Variants in PDE11A observed in about 807,000 individuals in gnomAD.
PDE11A encodes phosphodiesterase 11A, also known as dual 3',5'-cyclic-AMP and -GMP phosphodiesterase 11A.
PDE11A carries 100 observed loss-of-function variants against 100.5 expected under a neutral mutation model. The observed-to-expected ratio is 1.00, with a 90% confidence interval of 0.85 to 1.18. The LOEUF (loss-of-function observed/expected upper bound fraction) is 1.18, where lower values mean the gene tolerates loss of function less well. PDE11A is among the 50% of genes most tolerant of loss of function. The pLI is 0.00. For missense variants in PDE11A, 1,141 were observed against 1,152.6 expected, an observed-to-expected ratio of 0.99 and a Z score of 0.15; for synonymous variants, 381 against 420.8, an observed-to-expected ratio of 0.91 and a Z score of 1.16.
At chr2:177,750,782 T>A (rs2082014417) in intron 10 of PDE11A, among the ~76,000 whole-genome samples, 1 of 152,214 alleles carries the variant, frequency 6.6e-6, no homozygotes. Flanking sequence ...AAAAAAATTA[T>A]TTGAGTACCA....
At position 178,018,121 on chromosome 2, in the gene PDE11A, T is replaced by G. The variant is rs569447064; in HGVS notation, c.913-3661A>C. ...CTAGGGCCAACCTACCCCAGGATGG[T>G]GTGGAGCACAGCATGTTCACCTGCC... is the stretch of plus-strand genomic sequence containing the variant. On this transcript the variant is annotated intron_variant, in intron 1 of 19. Transcript: ENST00000286063. 1.0e-4 allele frequency: 27 copies of G among 262,508 alleles called. 2 individuals are homozygous for G. The South Asian group carries it at 1.2e-3, about 12-fold the overall frequency. The allele number at this position is 262,508 out of a possible 1,614,324, so 16.3% of individuals were successfully genotyped here. A position where few individuals can be genotyped will look rare whatever the true frequency, so the allele number is the denominator to read the frequency against.
At chr2:177,671,756 A>C (rs1394687751) in intron 17 of PDE11A, among the ~76,000 whole-genome samples, 1 of 152,140 alleles carries the variant, frequency 6.6e-6, no homozygotes, top group Non-Finnish European at 1.5e-5. Flanking sequence ...AGAAAATAAA[A>C]TAATATTTAC....
At chr2:177,920,392 A>C (rs939662494) in intron 2 of PDE11A, among the ~76,000 whole-genome samples, 8 of 152,144 alleles carry the variant, frequency 5.3e-5, no homozygotes, top group Non-Finnish European at 7.4e-5. Flanking sequence ...CCAAAAAGAA[A>C]CACAAATAGC....
chr2:178,068,582 T>G (rs1220591616), intron 1 of PDE11A, among the ~76,000 whole-genome samples: 2 of 152,038 alleles, frequency 1.3e-5, no homozygotes, highest in African/African-American at 4.8e-5. Flanking sequence ...AAGAAACACC[T>G]TAAAAATATA....
chr2:177,887,602 A>G (rs2084458937), intron 4 of PDE11A, among the ~76,000 whole-genome samples: 1 of 152,132 alleles, frequency 6.6e-6, no homozygotes, highest in African/African-American at 2.4e-5. Context: ...ATTTCCACAA[A>G]AATTAGCTGG....
Position 178,071,672 on chromosome 2 carries a change from T to G in PDE11A, c.766A>C (p.Lys256Gln), listed in dbSNP as rs763774797. 2 of 1,613,628 alleles carry G rather than the reference T, an allele frequency of 1.2e-6. No individual in the cohort carries two copies. Among genetic ancestry groups the G allele is most frequent in the African/African-American group, 2.7e-5 (2 of 74,922 alleles). Residue 256 changes from lysine to glutamine, a missense_variant, in exon 1 of 20, where the codon AAA (lysine) becomes CAA (glutamine). Coordinates refer to ENST00000286063, the MANE Select transcript of PDE11A (RefSeq NM_016953.4). ...AAAGKKTLVS[K>Q]FFDVHAGTPL... ...GTTCCTGCATGCACATCAAAGAATT[T>G]GGAGACCAAGGTCTTCTTGCCAGCA...
At chr2:177,734,420 A>G (rs1324779175) in intron 10 of PDE11A, among the ~76,000 whole-genome samples, 1 of 152,086 alleles carries the variant, frequency 6.6e-6, no homozygotes, top group Non-Finnish European at 1.5e-5. Context: ...TGATCACAGG[A>G]GTTTGAGGCT....
intron 5 of PDE11A, among the ~76,000 whole-genome samples, chr2:177,852,509 T>G (rs1240071303): frequency 6.6e-6 from 1 of 152,156 alleles, no homozygotes; most frequent in East Asian, 1.9e-4. Flanking sequence ...GCTCAGCCTG[T>G]CTATCCCTGG....
At chr2:177,869,045 GTGTA>G (rs1436745168) in intron 5 of PDE11A, among the ~76,000 whole-genome samples, 2 of 152,230 alleles carry the variant, frequency 1.3e-5, no homozygotes, top group African/African-American at 2.4e-5. Context: ...CTCTATGTGT[GTGTA>G]TGTGCATGCA....
chr2:177,914,660 C>G (rs2084927297), intron 2 of PDE11A, among the ~76,000 whole-genome samples: 1 of 152,108 alleles, frequency 6.6e-6, no homozygotes, highest in African/African-American at 2.4e-5. Flanking sequence ...AATAGAGTAA[C>G]TTAGTCAAGG....
intron 1 of PDE11A, among the ~76,000 whole-genome samples, chr2:178,023,601 T>C (rs1371355620): frequency 2.0e-5 from 3 of 152,212 alleles, no homozygotes; most frequent in Non-Finnish European, 4.4e-5. Context: ...GGGTGATTTT[T>C]AAAAACCAGA....
intron 12 of PDE11A, among the ~76,000 whole-genome samples, chr2:177,722,274 T>C (rs2081541016): frequency 6.6e-6 from 1 of 152,282 alleles, no homozygotes; most frequent in South Asian, 2.1e-4. Context: ...CTTTTACAAT[T>C]TACATGTCCT....
In PDE11A at chr2:177,697,345, T is replaced by A. The variant is rs1203764470; in HGVS notation, c.2332A>T (p.Thr778Ser). Residue 778 changes from threonine to serine, a missense_variant, in exon 15 of 20, where the codon ACG (threonine) becomes TCG (serine). Physicochemically the swap from Thr to Ser is moderately conservative, Grantham distance 58. Coordinates refer to ENST00000286063, the MANE Select transcript of PDE11A (RefSeq NM_016953.4). Reference sequence around the variant, plus strand: ...GCCAATACCTACTCAAAGTACAGCGTGAGGTCTGTTGCCAATATTGACTGC... The same window carrying A: ...GCCAATACCTACTCAAAGTACAGCGAGAGGTCTGTTGCCAATATTGACTGC... The part of the protein sequence containing the change: ...LKQSILATDL[T>S]LYFERRTEFF... 1 of 1,543,258 alleles carries A rather than the reference T, an allele frequency of 6.5e-7. No homozygotes were observed. The highest frequency in any genetic ancestry group is 1.7e-5 in the Admixed American group (1 of 59,880).
chr2:177,957,854 A>G (rs2105787358), intron 2 of PDE11A, among the ~76,000 whole-genome samples: 1 of 150,990 alleles, frequency 6.6e-6, no homozygotes, highest in African/African-American at 2.4e-5. Context: ...CTCCAAAACT[A>G]TTTGTTGAAG....
chr2:177,678,640 C>A (rs1476220098), intron 16 of PDE11A, among the ~76,000 whole-genome samples: 2 of 152,062 alleles, frequency 1.3e-5, no homozygotes, highest in African/African-American at 4.8e-5. Context: ...ACCCTTGGTG[C>A]AAGGTGGTCA....
At chr2:178,045,477 T>C (rs1314194945) in intron 1 of PDE11A, among the ~76,000 whole-genome samples, 1 of 152,218 alleles carries the variant, frequency 6.6e-6, no homozygotes, top group African/African-American at 2.4e-5. Context: ...AAAGATGTTG[T>C]TGAACAGACT....
intron 15 of PDE11A, chr2:177,687,485 T>A (rs1039459042): frequency 6.6e-6 from 1 of 152,226 alleles, no homozygotes; most frequent in Non-Finnish European, 1.5e-5. Flanking sequence ...GAGTTACCCA[T>A]GTTGTTATAT....
intron 5 of PDE11A, among the ~76,000 whole-genome samples, chr2:177,860,918 T>C (rs1314670814): frequency 6.6e-6 from 1 of 151,726 alleles, no homozygotes; most frequent in Non-Finnish European, 1.5e-5. Context: ...TTCAACAAAC[T>C]AGAAATAGAA....
At chr2:178,000,953 C>A (rs938652031) in intron 2 of PDE11A, among the ~76,000 whole-genome samples, 1 of 152,154 alleles carries the variant, frequency 6.6e-6, no homozygotes, top group African/African-American at 2.4e-5. Flanking sequence ...TGAACATCCA[C>A]CGAGTGTCCC....
Sources: allele counts gnomAD v4.1 joint callset (sites outside exome capture counted in the v4.1 genomes callset), GRCh38; gene constraint gnomAD v4.1.1; transcripts MANE v1.5; gene names NCBI Gene and HGNC (gene_info 2026-07-23, HGNC 2026-07-21).